ANKS1B: variants seen among roughly 807,000 people sequenced by gnomAD.
The protein encoded by ANKS1B is ankyrin repeat and sterile alpha motif domain containing 1B.
In ANKS1B, 36 loss-of-function variants were observed where a neutral mutation model predicts 148.3. That is an observed-to-expected ratio of 0.24 (90% confidence interval 0.19 to 0.32). The LOEUF is 0.32. Among genes scored for constraint, ANKS1B ranks in the 10% least tolerant of loss-of-function variants. ANKS1B has a pLI of 1.00. For missense variants in ANKS1B, 1,157 were observed against 1,542.6 expected, an observed-to-expected ratio of 0.75 and a Z score of 4.19; for synonymous variants, 542 against 560.8, an observed-to-expected ratio of 0.97 and a Z score of 0.47.
At chr12:99,898,181 C>A (rs2093455006) in intron 1 of ANKS1B, among the ~76,000 whole-genome samples, 1 of 152,074 alleles carries the variant, frequency 6.6e-6, no homozygotes, top group South Asian at 2.1e-4. Context: ...AATATGACTA[C>A]CCCGATTTTT....
At chr12:99,092,173 T>C (rs144207323) in intron 15 of ANKS1B, among the ~76,000 whole-genome samples, 1 of 152,240 alleles carries the variant, frequency 6.6e-6, no homozygotes, top group African/African-American at 2.4e-5. Flanking sequence ...GTTCCCTAAC[T>C]ACCCACAAAG....
At chr12:99,099,209 C>A (rs924585424) in intron 15 of ANKS1B, among the ~76,000 whole-genome samples, 2 of 152,210 alleles carry the variant, frequency 1.3e-5, no homozygotes, top group Admixed American at 6.5e-5. Context: ...CATCGCCCAT[C>A]CCTGCCCTAA....
At chr12:99,671,977 C>T (rs2098540324) in intron 8 of ANKS1B, among the ~76,000 whole-genome samples, 2 of 152,220 alleles carry the variant, frequency 1.3e-5, no homozygotes, top group East Asian at 3.9e-4. Context: ...GATTTTAAAA[C>T]TCTTTTCTTT....
intron 15 of ANKS1B, among the ~76,000 whole-genome samples, chr12:99,113,640 A>C (rs1436102936): frequency 6.6e-6 from 1 of 152,082 alleles, no homozygotes; most frequent in Non-Finnish European, 1.5e-5. Flanking sequence ...GGTTTATTTC[A>C]CCTCTGCAAT....
intron 15 of ANKS1B, among the ~76,000 whole-genome samples, chr12:99,125,914 C>T (rs2064197760): frequency 6.6e-6 from 1 of 151,846 alleles, no homozygotes; most frequent in Non-Finnish European, 1.5e-5. Flanking sequence ...AAAAATAGAC[C>T]TGATCTCTAT....
At chr12:99,351,120 T>C (rs2091368899) in intron 12 of ANKS1B, among the ~76,000 whole-genome samples, 2 of 152,082 alleles carry the variant, frequency 1.3e-5, no homozygotes, top group South Asian at 4.1e-4. Context: ...TTTTCCACCT[T>C]GTGAGTCTGC....
intron 9 of ANKS1B, among the ~76,000 whole-genome samples, chr12:99,571,103 T>C (rs976389215): frequency 6.6e-6 from 1 of 152,134 alleles, no homozygotes; most frequent in African/African-American, 2.4e-5. Flanking sequence ...TACAGACTTT[T>C]AGATTATGAA....
At chr12:99,093,082 G>A (rs887218735) in intron 15 of ANKS1B, among the ~76,000 whole-genome samples, 10 of 152,032 alleles carry the variant, frequency 6.6e-5, no homozygotes, top group South Asian at 6.2e-4. Context: ...TGGAGATTCC[G>A]GTCCATAGAT....
intron 13 of ANKS1B, among the ~76,000 whole-genome samples, 161 bp from the exon 14 acceptor site, chr12:99,244,575 TC>T: frequency 6.6e-6 from 1 of 152,368 alleles, no homozygotes; most frequent in East Asian, 1.9e-4. Flanking sequence ...AAAGCAAACA[TC>T]TTTCGGATTG....
At chr12:99,013,564 A>G (rs1441725175) in intron 17 of ANKS1B, among the ~76,000 whole-genome samples, 1 of 152,224 alleles carries the variant, frequency 6.6e-6, no homozygotes, top group Non-Finnish European at 1.5e-5. Context: ...GAAGAGAGGA[A>G]GTCAAACTAC....
chr12:99,453,018 C>T (rs113824071), intron 10 of ANKS1B, among the ~76,000 whole-genome samples: 4 of 152,146 alleles, frequency 2.6e-5, no homozygotes, highest in Admixed American at 1.3e-4. Context: ...AGGCCGGGCA[C>T]AGTGGCTCAC....
At chr12:99,013,211 CA>C (rs1355485988) in intron 17 of ANKS1B, among the ~76,000 whole-genome samples, 2 of 152,244 alleles carry the variant, frequency 1.3e-5, no homozygotes, top group Non-Finnish European at 2.9e-5. Context: ...ATTTTGGCAA[CA>C]AAATTTTGCT....
chr12:99,837,771 A>T (rs1042337773), intron 1 of ANKS1B, among the ~76,000 whole-genome samples: 2 of 152,168 alleles, frequency 1.3e-5, no homozygotes, highest in Non-Finnish European at 2.9e-5. Flanking sequence ...GATTATAATA[A>T]AGTGGAGACA....
chr12:99,156,989 T>A (rs1458446604), intron 14 of ANKS1B, among the ~76,000 whole-genome samples: 1 of 152,240 alleles, frequency 6.6e-6, no homozygotes, highest in African/African-American at 2.4e-5. Context: ...ACTTGTTTTT[T>A]AAACAGATTT....
At chr12:99,622,184 A>C (rs73383783) in intron 9 of ANKS1B, among the ~76,000 whole-genome samples, 1,750 of 151,994 alleles carry the variant, frequency 0.012, 37 homozygotes, top group African/African-American at 0.04. Context: ...AAATCAAAAA[A>C]TTTTCCTGAA....
intron 15 of ANKS1B, among the ~76,000 whole-genome samples, chr12:99,092,830 T>C (rs1196428517): frequency 6.6e-6 from 1 of 152,216 alleles, no homozygotes; most frequent in Non-Finnish European, 1.5e-5. Flanking sequence ...ACATTCACTG[T>C]GTAGCAGGTA....
intron 17 of ANKS1B, among the ~76,000 whole-genome samples, chr12:98,842,120 A>G (rs534876042): frequency 6.6e-5 from 10 of 152,368 alleles, no homozygotes; most frequent in Non-Finnish European, 1.5e-4. Flanking sequence ...AGATGTGTAC[A>G]TGAATGTTTA....
intron 12 of ANKS1B, among the ~76,000 whole-genome samples, chr12:99,363,642 C>T (rs116408693): frequency 0.016 from 2,480 of 152,184 alleles, 70 homozygotes; most frequent in African/African-American, 0.057. Flanking sequence ...TATGATAATC[C>T]TATTATTAAA....
chr12:99,974,440 C>A lies in ANKS1B; in HGVS notation c.134+9664G>T, dbSNP rs115541620. Among the ~76,000 whole-genome samples the A allele has an allele frequency of 5.0e-3, 756 of 152,190 alleles. 6 individuals carry two copies. Among genetic ancestry groups the A allele is most frequent in the African/African-American group, 0.017 (709 of 41,512 alleles). ...ATAGGCAAATAATATATGTTTATAT[C>A]TAAAATGGGTTTATATAATCCAATA... On this transcript the variant is annotated intron_variant, in intron 1 of 26. Coordinates refer to ENST00000683438, the MANE Select transcript of ANKS1B (RefSeq NM_001352186.2).
Sources: gnomAD v4.1 joint callset for allele counts (sites outside exome capture counted in the v4.1 genomes callset) on GRCh38, gnomAD v4.1.1 for gene constraint, MANE v1.5 for transcripts, NCBI Gene and HGNC (gene_info 2026-07-23, HGNC 2026-07-21) for gene names.